The following ACVR1 variants were observed in gnomAD, a reference collection of about 807,000 sequenced individuals.
ACVR1 encodes the protein activin A receptor type 1, also known as activin receptor type-1.
ACVR1 carries 38 observed loss-of-function variants against 57.1 expected under a neutral mutation model. The ratio of observed to expected loss-of-function variants is 0.67; its 90% CI spans 0.51 to 0.87. ACVR1 has a LOEUF of 0.87. Among genes scored for constraint, ACVR1 ranks in the 40% least tolerant of loss-of-function variants. ACVR1 has a pLI of 0.00. For missense variants in ACVR1, 463 were observed against 638.2 expected, an observed-to-expected ratio of 0.73 and a Z score of 2.96; for synonymous variants, 212 against 228.1, an observed-to-expected ratio of 0.93 and a Z score of 0.63.
At chr2:157,752,326 C>T (rs557702495) in intron 9 of ACVR1, among the ~76,000 whole-genome samples, 1 of 152,314 alleles carries the variant, frequency 6.6e-6, no homozygotes, top group South Asian at 2.1e-4. Flanking sequence ...GAGCCCCAGA[C>T]CTTCCCTCTG....
At chr2:157,769,508 T>C (rs780645704) in intron 7 of ACVR1, among the ~76,000 whole-genome samples, 17 of 152,236 alleles carry the variant, frequency 1.1e-4, no homozygotes, top group Non-Finnish European at 2.4e-4. Context: ...AGCAAAGCTT[T>C]GAAGCTTTGG....
intron 2 of ACVR1, among the ~76,000 whole-genome samples, chr2:157,807,285 T>C (rs1230480881): frequency 6.6e-6 from 1 of 152,210 alleles, no homozygotes. Flanking sequence ...CCCTTCCAGA[T>C]ATACACAGAA....
rs1042549300 is a variant in ACVR1, at chr2:157,860,802, C to G, written c.-183+14994G>C. On this transcript the variant is annotated intron_variant, in intron 1 of 10. Transcript: ENST00000434821. Reference sequence around the variant, plus strand: ...CTTTGCAGGTGGTCGACTTTCCAAGCTCTCCCATCCTTTACCCCTTCCTAC... The same window carrying G: ...CTTTGCAGGTGGTCGACTTTCCAAGGTCTCCCATCCTTTACCCCTTCCTAC... Among the ~76,000 whole-genome samples, 8 of 152,050 alleles carry G rather than the reference C, an allele frequency of 5.3e-5. No homozygotes were observed. In the South Asian group the frequency reaches 1.0e-3, roughly 20 times the overall value.
intron 1 of ACVR1, among the ~76,000 whole-genome samples, chr2:157,840,347 G>A (rs958955653): frequency 2.0e-5 from 3 of 152,120 alleles, no homozygotes; most frequent in Admixed American, 6.5e-5. Flanking sequence ...AAACGCAAAC[G>A]AACGCATAAA....
chr2:157,827,331 A>C (rs1359647008), intron 1 of ACVR1, among the ~76,000 whole-genome samples: 1 of 152,236 alleles, frequency 6.6e-6, no homozygotes, highest in Non-Finnish European at 1.5e-5. Context: ...CAAGGTAACA[A>C]GCAAAAAAAC....
At chr2:157,774,260 G>A in intron 5 of ACVR1, 73 bp from the exon 6 acceptor site, 4 of 1,230,300 alleles carry the variant, frequency 3.3e-6, no homozygotes, top group Non-Finnish European at 4.8e-6. Flanking sequence ...TAGCATGCAT[G>A]ACATTGTAAC....
At chr2:157,843,691 A>G (rs1053064591) in intron 1 of ACVR1, among the ~76,000 whole-genome samples, 9 of 152,158 alleles carry the variant, frequency 5.9e-5, no homozygotes, top group African/African-American at 2.2e-4. Context: ...GAAAGGATTA[A>G]CATGTACCTT....
intron 1 of ACVR1, among the ~76,000 whole-genome samples, chr2:157,873,558 A>G (rs1045316493): frequency 1.3e-5 from 2 of 152,218 alleles, no homozygotes; most frequent in African/African-American, 4.8e-5. Flanking sequence ...CACAGACTAC[A>G]GCTCCCAGCC....
chr2:157,871,073 A>G (rs1690100210), intron 1 of ACVR1, among the ~76,000 whole-genome samples: 1 of 152,234 alleles, frequency 6.6e-6, no homozygotes, highest in South Asian at 2.1e-4. Flanking sequence ...ACAAAAGATG[A>G]ATAAGACAGT....
At chr2:157,844,077 G>A (rs1265889053) in intron 1 of ACVR1, among the ~76,000 whole-genome samples, 3 of 152,214 alleles carry the variant, frequency 2.0e-5, no homozygotes, top group Non-Finnish European at 4.4e-5. Context: ...GGCAGGCAAA[G>A]GAGGCCCTGT....
chr2:157,769,412 T>G (rs1685993631), intron 7 of ACVR1, among the ~76,000 whole-genome samples: 1 of 152,152 alleles, frequency 6.6e-6, no homozygotes, highest in African/African-American at 2.4e-5. Context: ...AAGTGATGAC[T>G]AGGACCCGAT....
intron 1 of ACVR1, among the ~76,000 whole-genome samples, chr2:157,863,016 T>A (rs1319879617): frequency 5.5e-5 from 1 of 18,172 alleles, no homozygotes; most frequent in Non-Finnish European, 2.5e-4. Flanking sequence ...ATTTACTTTT[T>A]TTTTTTTTTT....
chr2:157,786,864 C>T (rs1686731572), intron 3 of ACVR1, among the ~76,000 whole-genome samples: 1 of 152,078 alleles, frequency 6.6e-6, no homozygotes, highest in Non-Finnish European at 1.5e-5. Flanking sequence ...CTGCTCCTTG[C>T]TGTCATTTTT....
chr2:157,822,366 A>G (rs1471109976), intron 1 of ACVR1, among the ~76,000 whole-genome samples: 6 of 152,242 alleles, frequency 3.9e-5, no homozygotes, highest in Admixed American at 6.5e-5. Context: ...TCTTAGTTCT[A>G]TAACTGTGTT....
rs377559848 is a variant in ACVR1 at position 157,764,559 on chromosome 2, C to CG, written c.1066+1361dup. Among the ~76,000 whole-genome samples the CG allele has an allele frequency of 4.2e-3, 637 of 152,160 alleles. 4 individuals are homozygous for CG. The highest frequency in any genetic ancestry group is 7.2e-3 in the Non-Finnish European group (491 of 67,994). On this transcript the variant is annotated intron_variant, in intron 8 of 10. Transcript: ENST00000434821. ...AACAACGCAGAAGTACAGGGCACAG[C>CG]GTCAAGCCCTGGAGTTCCTCTTGGC...
chr2:157,795,139 T>C (rs548164000), intron 3 of ACVR1, among the ~76,000 whole-genome samples: 11 of 152,222 alleles, frequency 7.2e-5, no homozygotes, highest in African/African-American at 2.6e-4. Flanking sequence ...ACATCAAATA[T>C]GGGTCTATTT....
chr2:157,871,098 A>G (rs1320283664), intron 1 of ACVR1, among the ~76,000 whole-genome samples: 1 of 152,236 alleles, frequency 6.6e-6, no homozygotes, highest in Non-Finnish European at 1.5e-5. Flanking sequence ...TGCCTCAAGG[A>G]GCCCAGGGAG....
At chr2:157,748,789 G>A (rs1478021206) in intron 9 of ACVR1, among the ~76,000 whole-genome samples, 1 of 151,976 alleles carries the variant, frequency 6.6e-6, no homozygotes, top group Non-Finnish European at 1.5e-5. Context: ...TTTAATTATT[G>A]TACACTAAAA....
intron 9 of ACVR1, among the ~76,000 whole-genome samples, chr2:157,755,044 T>A (rs1211157465): frequency 2.0e-5 from 3 of 152,076 alleles, no homozygotes. Context: ...AAAAAGCATT[T>A]GATAAAATCC....
Sources: allele counts gnomAD v4.1 joint callset (sites outside exome capture counted in the v4.1 genomes callset), GRCh38; gene constraint gnomAD v4.1.1; transcripts MANE v1.5; gene names NCBI Gene and HGNC (gene_info 2026-07-23, HGNC 2026-07-21).